Variants in MEIKIN observed in about 807,000 individuals in gnomAD.
MEIKIN encodes meiosis-specific kinetochore protein.
chr5:131,832,194 G>A (rs1749726851), intron 11 of MEIKIN, among the ~76,000 whole-genome samples: 1 of 152,124 alleles, frequency 6.6e-6, no homozygotes, highest in Non-Finnish European at 1.5e-5. Flanking sequence ...GATACAATGG[G>A]GGTACAGGTA....
At chr5:131,870,864 T>C (rs997486947) in intron 9 of MEIKIN, among the ~76,000 whole-genome samples, 1 of 152,166 alleles carries the variant, frequency 6.6e-6, no homozygotes, top group African/African-American at 2.4e-5. Context: ...TCTTGCCCCT[T>C]TTCTATTTGC....
chr5:131,923,085 G>A (rs1018481593), intron 5 of MEIKIN, among the ~76,000 whole-genome samples: 1 of 152,062 alleles, frequency 6.6e-6, no homozygotes, highest in East Asian at 1.9e-4. Flanking sequence ...AGACAGTTTC[G>A]CCATGTTGGC....
intron 8 of MEIKIN, among the ~76,000 whole-genome samples, chr5:131,893,926 G>C (rs943098656): frequency 6.6e-6 from 1 of 152,112 alleles, no homozygotes; most frequent in Non-Finnish European, 1.5e-5. Context: ...GTCTATTTTT[G>C]TTTTTGTTGC....
chr5:131,838,912 T>C (rs1200640529), intron 11 of MEIKIN, among the ~76,000 whole-genome samples: 1 of 152,192 alleles, frequency 6.6e-6, no homozygotes. Flanking sequence ...GTAGGTTTCC[T>C]CTTGGTTGTC....
At chr5:131,900,688 T>C (rs1016739492) in intron 8 of MEIKIN, among the ~76,000 whole-genome samples, 3 of 152,146 alleles carry the variant, frequency 2.0e-5, no homozygotes, top group African/African-American at 7.2e-5. Flanking sequence ...CTGGTCTACC[T>C]GGTCACCTCT....
At chr5:131,871,090 G>A (rs1750484310) in intron 9 of MEIKIN, among the ~76,000 whole-genome samples, 1 of 152,210 alleles carries the variant, frequency 6.6e-6, no homozygotes, top group Admixed American at 6.5e-5. Flanking sequence ...GAAGACGGGT[G>A]ATTTCTGCAT....
intron 11 of MEIKIN, among the ~76,000 whole-genome samples, chr5:131,823,445 C>T (rs1749556575): frequency 2.0e-5 from 3 of 151,878 alleles, no homozygotes. Context: ...ATTCTTTCTT[C>T]TGCTTGATCA....
chr5:131,854,682 G>T, intron 10 of MEIKIN, 72 bp downstream of exon 10: 1 of 395,872 alleles, frequency 2.5e-6, no homozygotes, highest in South Asian at 1.3e-4. Context: ...TCCCTGATAT[G>T]AGAAAAATAG....
chr5:131,891,137 C>G (rs1404197417), intron 8 of MEIKIN, among the ~76,000 whole-genome samples: 2 of 152,092 alleles, frequency 1.3e-5, no homozygotes, highest in African/African-American at 4.8e-5. Context: ...TTACTTCCAA[C>G]TATGTGGTCA....
intron 12 of MEIKIN, among the ~76,000 whole-genome samples, chr5:131,810,452 T>C (rs1416007448): frequency 6.6e-6 from 1 of 152,242 alleles, no homozygotes; most frequent in Non-Finnish European, 1.5e-5. Flanking sequence ...TCCTACAGTG[T>C]CTTGTTCTAG....
At chr5:131,844,668 G>T (rs1046590853) in intron 11 of MEIKIN, among the ~76,000 whole-genome samples, 2 of 152,158 alleles carry the variant, frequency 1.3e-5, no homozygotes, top group African/African-American at 4.8e-5. Flanking sequence ...GCCAGTAAAA[G>T]AACTATCTGA....
At chr5:131,920,703 T>A (rs964056430) in intron 6 of MEIKIN, among the ~76,000 whole-genome samples, 47 of 152,144 alleles carry the variant, frequency 3.1e-4, no homozygotes, top group Admixed American at 4.6e-4. Context: ...CTTCATTTTT[T>A]TTTTTTTTTG....
chr5:131,822,356 G>A (rs1322121262), intron 11 of MEIKIN, among the ~76,000 whole-genome samples: 6 of 151,760 alleles, frequency 4.0e-5, no homozygotes, highest in Non-Finnish European at 2.9e-5. Context: ...TTGACTGACG[G>A]TCTTCTCTTT....
chr5:131,839,276 G>A (rs540171249), intron 11 of MEIKIN, among the ~76,000 whole-genome samples: 39 of 152,250 alleles, frequency 2.6e-4, no homozygotes, highest in African/African-American at 8.9e-4. Context: ...TTTAGACTAT[G>A]TGATCAATTT....
chr5:131,889,554 T>C (rs1289867362), intron 8 of MEIKIN, among the ~76,000 whole-genome samples: 1 of 152,238 alleles, frequency 6.6e-6, no homozygotes, highest in Non-Finnish European at 1.5e-5. Context: ...TTTTTGCACA[T>C]TAATTTTGTA....
At chr5:131,835,570 C>G (rs1048277742) in intron 11 of MEIKIN, among the ~76,000 whole-genome samples, 1 of 151,994 alleles carries the variant, frequency 6.6e-6, no homozygotes, top group African/African-American at 2.4e-5. Context: ...GCACTCTGTT[C>G]TGTTTCATTG....
intron 11 of MEIKIN, among the ~76,000 whole-genome samples, chr5:131,835,063 A>C (rs1183472224): frequency 6.6e-6 from 1 of 152,070 alleles, no homozygotes; most frequent in African/African-American, 2.4e-5. Context: ...AGCTCTTCAT[A>C]TAAGTGTTGG....
At chr5:131,943,732 T>C (rs1315154495) in intron 3 of MEIKIN, among the ~76,000 whole-genome samples, 1 of 152,256 alleles carries the variant, frequency 6.6e-6, no homozygotes, top group East Asian at 1.9e-4. Context: ...CTTTACACTG[T>C]TAAACTATGG....
chr5:131,809,627 G>A (rs1481720176), intron 12 of MEIKIN, among the ~76,000 whole-genome samples: 2 of 152,082 alleles, frequency 1.3e-5, no homozygotes, highest in Admixed American at 6.5e-5. Context: ...GACAACAGAT[G>A]AAACCCTGTC....
Sources: gnomAD v4.1 joint callset for allele counts (sites outside exome capture counted in the v4.1 genomes callset) on GRCh38, gnomAD v4.1.1 for gene constraint, MANE v1.5 for transcripts, NCBI Gene and HGNC (gene_info 2026-07-23, HGNC 2026-07-21) for gene names.